Variants in RNF213 observed in about 807,000 individuals in gnomAD.
RNF213 encodes the protein E3 ubiquitin-protein ligase RNF213.
RNF213 carries 341 observed loss-of-function variants against 514.4 expected under a neutral mutation model. That is an observed-to-expected ratio of 0.66 (90% CI 0.61 to 0.73). The LOEUF is 0.73. RNF213 is among the 30% of genes least tolerant of loss of function. RNF213 has a pLI of 0.00. For missense variants in RNF213, 5,767 were observed against 6,615.6 expected, an observed-to-expected ratio of 0.87 and a Z score of 4.45; for synonymous variants, 2,655 against 2,658.2, an observed-to-expected ratio of 1.00 and a Z score of 0.04.
In RNF213 at chr17:80,317,291, G is replaced by T; in HGVS notation, c.2901+14G>T. On this transcript the variant is annotated intron_variant, in intron 16 of 67. Transcript: ENST00000582970. The surrounding 1 kb of genome is among the most constrained non-coding windows in gnomAD (Gnocchi z 4.1). The stretch of plus-strand genomic sequence containing the variant: ...AGGCTCACAAAGGTACCAAAAGTTT[G>T]GGGGCAGTCTTTTCAGGGCGTGAAG... 1 of 1,610,390 alleles carries T rather than the reference G, an allele frequency of 6.2e-7. No homozygotes were observed. The highest frequency in any genetic ancestry group is 2.2e-5 in the East Asian group (1 of 44,772).
At chr17:80,281,534 T>TCACACA in intron 3 of RNF213, among the ~76,000 whole-genome samples, 3 of 18,198 alleles carry the variant, frequency 1.6e-4, no homozygotes, top group Non-Finnish European at 1.1e-4. Flanking sequence ...CATGCCCCAC[T>TCACACA]CATACCACTC....
Position 80,358,253 on chromosome 17 carries a change from G to A in RNF213, c.10863-35G>A, listed in dbSNP as rs150413172. On this transcript the variant is annotated intron_variant, in intron 36 of 67. Transcript: ENST00000582970. ...GGCAGACCGCCACTCTGGTTCCTCT[G>A]ACCCGTGGTGGCCCATCTCTCTTCT... 3.7e-4 allele frequency: 599 copies of A among 1,606,784 alleles called. 4 individuals are homozygous for A. The African/African-American group carries it at 7.4e-3, about 20-fold the overall frequency.
At chr17:80,363,023 A>G (rs1055205201) in intron 39 of RNF213, 79 bp from the exon 40 acceptor site, 7 of 1,316,876 alleles carry the variant, frequency 5.3e-6, no homozygotes, top group African/African-American at 4.4e-5. Flanking sequence ...TGGTTTTCCA[A>G]TAGTTCGGAT....
chr17:80,315,778 G>A (rs1024009213), intron 15 of RNF213: 25 of 40,344 alleles, frequency 6.2e-4, no homozygotes, highest in African/African-American at 1.9e-3. Flanking sequence ...GCTGGTGGTG[G>A]TGGTGGTGGT....
chr17:80,374,711 T>A, intron 50 of RNF213, 122 bp downstream of exon 50: 1 of 1,229,896 alleles, frequency 8.1e-7, no homozygotes, highest in Non-Finnish European at 1.2e-6. Context: ...CACGTGACAC[T>A]GTATTGGAAG....
chr17:80,265,051 T>G (rs1171611856), intron 2 of RNF213, among the ~76,000 whole-genome samples: 4 of 149,668 alleles, frequency 2.7e-5, no homozygotes, highest in Admixed American at 1.3e-4. Context: ...TTTGTTTTTT[T>G]TTTTTTTTTT....
chr17:80,385,107 G>C lies in RNF213; in HGVS notation c.14391G>C (p.Gln4797His). ...ILALQRDLVK[Q>H]FQNVQQVEYS... ...CCTTGCAAAGGGATCTAGTGAAGCA[G>C]TTCCAGAACGTCCAGCAAGTTGAAT... The change falls in exon 60 of 68, where the codon CAG (glutamine) becomes CAC (histidine). Residue 4797 changes from glutamine (Q) to histidine (H), a missense_variant. Physicochemically the swap from Gln to His is conservative, Grantham distance 24 (BLOSUM62 0). Coordinates refer to ENST00000582970, the MANE Select transcript of RNF213 (RefSeq NM_001256071.3). 1 of 1,614,192 alleles carries C rather than the reference G, an allele frequency of 6.2e-7. No individual in the cohort carries two copies. The highest frequency in any genetic ancestry group is 8.5e-7 in the Non-Finnish European group (1 of 1,180,008).
rs181817555 is a variant in RNF213 at position 80,339,055 on chromosome 17, G to A, written c.4834-146G>A. On this transcript the variant is annotated intron_variant, in intron 25 of 67. Coordinates refer to ENST00000582970, the MANE Select transcript of RNF213 (RefSeq NM_001256071.3). ...ATCTTCTCAGGTGGGTTGTGTAGAT[G>A]AGGAGGGAGGCCTTGTGAGCGCAGA... 5.9e-5 allele frequency: 23 copies of A among 390,070 alleles called. No homozygotes were observed. The East Asian group carries it at 7.8e-4, about 13-fold the overall frequency. The allele number at this position is 390,070 out of a possible 1,614,324, so 24.2% of individuals were successfully genotyped here.
chr17:80,330,704 C>T (rs1182556275), intron 20 of RNF213, among the ~76,000 whole-genome samples: 9 of 152,268 alleles, frequency 5.9e-5, no homozygotes, highest in African/African-American at 2.2e-4. Flanking sequence ...CTCCAATCCA[C>T]ACGCCCCCCT....
chr17:80,382,770 A>G, intron 57 of RNF213: 2 of 507,570 alleles, frequency 3.9e-6, no homozygotes, highest in Non-Finnish European at 7.2e-6. Flanking sequence ...TGTAGGATAG[A>G]GGAATTTTTA....
intron 14 of RNF213, among the ~76,000 whole-genome samples, chr17:80,310,637 C>T (rs1363629939): frequency 1.3e-5 from 2 of 152,054 alleles, no homozygotes; most frequent in Non-Finnish European, 2.9e-5. Context: ...ACCACAACCT[C>T]CGCCTCCTGG....
In RNF213 at chr17:80,298,461, C is replaced by G; in HGVS notation, c.2153C>G (p.Thr718Ser). 1 of 1,614,194 alleles carries G rather than the reference C, an allele frequency of 6.2e-7. No individual in the cohort carries two copies. Among genetic ancestry groups the G allele is most frequent in the Non-Finnish European group, 8.5e-7 (1 of 1,180,038 alleles). ...GATGCCTGGAGACAGCCTGAGGACA[C>G]CTGGGCCGCTCTGGAGGGACTCTCC... The part of the protein sequence containing the change: ...HKDAWRQPED[T>S]WAALEGLSFS... Residue 718 changes from threonine (T) to serine (S), a missense_variant, in exon 11 of 68, where the codon ACC (threonine) becomes AGC (serine). Around this residue, in one of 13 missense-constraint regions of RNF213, gnomAD observed 592 missense variants for 673.9 expected, o/e 0.88. Coordinates refer to ENST00000582970, the MANE Select transcript of RNF213 (RefSeq NM_001256071.3).
At position 80,349,851 on chromosome 17, in the gene RNF213, ACACTCCTGTGGCT is replaced by A; in HGVS notation, c.10034_10046del (p.Thr3345SerfsTer18). 1 of 1,614,156 alleles carries A rather than the reference ACACTCCTGTGGCT, an allele frequency of 6.2e-7. No individual in the cohort carries two copies. Among genetic ancestry groups the A allele is most frequent in the Non-Finnish European group, 8.5e-7 (1 of 1,180,014 alleles). The stretch of plus-strand genomic sequence containing the variant: ...GGTCACAGGCAGGGCTCCGAAACCC[ACACTCCTGTGGCT>A]GCAGCAGTTTGACACCGAGTACTCA... On this transcript the variant is annotated frameshift_variant, in exon 30 of 68. Transcript: ENST00000582970. LOFTEE classifies it high-confidence loss of function.
chr17:80,354,101 G>A lies in RNF213; in HGVS notation c.10661G>A (p.Cys3554Tyr). 6.2e-7 allele frequency: 1 copy of A among 1,614,108 alleles called. No homozygotes were observed. The highest frequency in any genetic ancestry group is 1.3e-5 in the African/African-American group (1 of 75,072). ...ATGCTCAGAGACCAGAACGAGAGCT[G>A]CACGCGCAATATGCGGAGGGTGGTG... Reference protein sequence around the residue: ...VGMLRDQNESCTRNMRRVVLL... With the variant: ...VGMLRDQNESYTRNMRRVVLL... The change falls in exon 35 of 68, where the codon TGC becomes TAC. Residue 3554 changes from cysteine to tyrosine, a missense_variant. Transcript: ENST00000582970.
chr17:80,388,687 C>A lies in RNF213; in HGVS notation c.14998C>A (p.Gln5000Lys). Reference sequence around the variant, plus strand: ...TATGGACATCAAGAACAAAATGGCACAGGTGATCCCGATAAACCTGATCCT... The same window carrying A: ...TATGGACATCAAGAACAAAATGGCAAAGGTGATCCCGATAAACCTGATCCT... ...LFMDIKNKMA[Q>K]DSLPSSVISA... The change falls in exon 64 of 68, where the codon CAG (glutamine) becomes AAG (lysine). Residue 5000 changes from glutamine (Q) to lysine (K), a missense_variant and splice_region_variant. This residue lies in a region of RNF213 where 1,245 missense variants were observed against 1,339.0 expected (regional missense o/e 0.93). Coordinates refer to ENST00000582970, the MANE Select transcript of RNF213 (RefSeq NM_001256071.3). 6.2e-7 allele frequency: 1 copy of A among 1,606,310 alleles called. No individual in the cohort carries two copies.
At chr17:80,327,575 C>A (rs548285142) in intron 18 of RNF213, among the ~76,000 whole-genome samples, 19 of 151,848 alleles carry the variant, frequency 1.3e-4, no homozygotes, top group African/African-American at 1.9e-4. Context: ...TTGGCCATTG[C>A]GGGAAGTCAT....
chr17:80,375,525 C>A (rs2144547271), intron 50 of RNF213, among the ~76,000 whole-genome samples: 1 of 145,090 alleles, frequency 6.9e-6, no homozygotes, highest in Middle Eastern at 3.6e-3. Flanking sequence ...CATGGTGAAA[C>A]CCCGTGTCTA....
rs772197179 is a variant in RNF213, at chr17:80,345,172, C to A, written c.6837C>A (p.Val2279=). 1 of 1,614,146 alleles carries A rather than the reference C, an allele frequency of 6.2e-7. No individual in the cohort carries two copies. The highest frequency in any genetic ancestry group is 1.7e-5 in the Admixed American group (1 of 60,016). Reference sequence around the variant, plus strand: ...ACCAAAGCCCGGGGAAGCACATGGTCACCATGGATGGGGTTAGGGAAGAAG... The same window carrying A: ...ACCAAAGCCCGGGGAAGCACATGGTAACCATGGATGGGGTTAGGGAAGAAG... ...TSDQSPGKHM[V]TMDGVREEDL... Residue 2279 remains valine (V), a synonymous_variant, in exon 29 of 68, where the codon GTC becomes GTA. Coordinates refer to ENST00000582970, the MANE Select transcript of RNF213 (RefSeq NM_001256071.3). This position sits in a 1 kb window ranked among gnomAD's most constrained non-coding sequence, Gnocchi z 6.0.
rs1473097426 is a variant in RNF213, at chr17:80,334,006, A to G, written c.4144-99A>G. On this transcript the variant is annotated intron_variant, in intron 21 of 67. Coordinates refer to ENST00000582970, the MANE Select transcript of RNF213 (RefSeq NM_001256071.3). ...ACAGCAGTGGCAAATCTAGGCATTG[A>G]GGGAGGGTGGGGCTGCTGGGACGGT... The G allele has an allele frequency of 4.3e-6, 6 of 1,390,894 alleles. No homozygotes were observed. In the Admixed American group the frequency reaches 5.9e-5, roughly 14 times the overall value. The allele number at this position is 1,390,894 out of a possible 1,614,324, so 86.2% of individuals were successfully genotyped here.
Sources: allele counts gnomAD v4.1 joint callset (sites outside exome capture counted in the v4.1 genomes callset), GRCh38; gene constraint gnomAD v4.1.1; regional missense constraint gnomAD v4.1.1; non-coding constraint Gnocchi (gnomAD v3.1); transcripts MANE v1.5; gene names NCBI Gene and HGNC (gene_info 2026-07-23, HGNC 2026-07-21).